KIF23: variants seen among roughly 807,000 people sequenced by gnomAD.
The protein encoded by KIF23 is kinesin family member 23, also known as kinesin-like protein KIF23.
In KIF23, 30 loss-of-function variants were observed where a neutral mutation model predicts 137.5. The observed-to-expected ratio is 0.22, with a 90% CI of 0.16 to 0.30. The LOEUF is 0.30. Among genes scored for constraint, KIF23 ranks in the 10% least tolerant of loss-of-function variants. The pLI is 1.00. For missense variants in KIF23, 920 were observed against 1,194.3 expected (o/e 0.77, Z 3.38); for synonymous variants, 367 against 391.1 (o/e 0.94, Z 0.73).
chr15:69,422,210 G>A (rs934751655), intron 5 of KIF23, 82 bp downstream of exon 5: 29 of 1,506,930 alleles, frequency 1.9e-5, no homozygotes, highest in Non-Finnish European at 2.5e-5. Context: ...AAGAACCAAA[G>A]CACTGGATTC....
In KIF23 at chr15:69,438,268, T is replaced by C; in HGVS notation, c.1618T>C (p.Leu540=). The change falls in exon 16 of 24, where the codon TTA becomes CTA. Residue 540 remains leucine (L), a synonymous_variant. Coordinates refer to ENST00000679126, the MANE Select transcript of KIF23 (RefSeq NM_001367805.3). The stretch of plus-strand genomic sequence containing the variant: ...TTCAGCTAATGCTTTTAAAGCTTTG[T>C]TACAAGAATTTGACAATGCTGTTTT... The part of the protein sequence containing the change: ...NKQSNAFKAL[L]QEFDNAVLSK... The C allele has an allele frequency of 6.2e-7, 1 of 1,606,216 alleles. No individual in the cohort carries two copies. Among genetic ancestry groups the C allele is most frequent in the Non-Finnish European group, 8.5e-7 (1 of 1,178,118 alleles).
Position 69,440,911 on chromosome 15 carries a change from C to A in KIF23, c.2253C>A (p.Asn751Lys). The change falls in exon 19 of 24, where the codon AAC becomes AAA. Residue 751 changes from asparagine to lysine, a missense_variant. By Grantham distance (94) the Asn-to-Lys change is moderately conservative. Coordinates refer to ENST00000679126, the MANE Select transcript of KIF23 (RefSeq NM_001367805.3). Reference sequence around the variant, plus strand: ...GGGAGCAGAAAATTCCTACGTACAACACACCTCTCAAAGTCACATCTATTG... The same window carrying A: ...GGGAGCAGAAAATTCCTACGTACAAAACACCTCTCAAAGTCACATCTATTG... ...SEWEQKIPTY[N>K]TPLKVTSIAR... 1 of 1,614,182 alleles carries A rather than the reference C, an allele frequency of 6.2e-7. No homozygotes were observed. The highest frequency in any genetic ancestry group is 8.5e-7 in the Non-Finnish European group (1 of 1,180,038).
rs550102698 is a variant in KIF23, at chr15:69,420,872, A to G, written c.211-775A>G. On this transcript the variant is annotated intron_variant, in intron 3 of 23. Coordinates refer to ENST00000679126, the MANE Select transcript of KIF23 (RefSeq NM_001367805.3). ...TGGCCTCAAGTGATCCTCCTGCCTC[A>G]GCCTTCCAAAGTGGGATTATAAGTG... Among the ~76,000 whole-genome samples the G allele has an allele frequency of 6.6e-5, 10 of 152,214 alleles. No individual in the cohort carries two copies. The East Asian group carries it at 1.9e-3, about 29-fold the overall frequency.
Position 69,435,741 on chromosome 15 carries a change from C to G in KIF23, c.1284C>G (p.Asn428Lys), listed in dbSNP as rs1051983215. The stretch of plus-strand genomic sequence containing the variant: ...AAGTGCGGATGATCGTGTGTGTGAA[C>G]CCCAAGGCTGAAGATTATGAAGAAA... ...EGKVRMIVCV[N>K]PKAEDYEENL... Residue 428 changes from asparagine (N) to lysine (K), a missense_variant, in exon 13 of 24, where the codon AAC (asparagine) becomes AAG (lysine). By Grantham distance (94) the Asn-to-Lys change is moderately conservative (BLOSUM62 0). Transcript: ENST00000679126. 7.4e-6 allele frequency: 12 copies of G among 1,614,128 alleles called. No homozygotes were observed. Among genetic ancestry groups the G allele is most frequent in the Non-Finnish European group, 1.0e-5 (12 of 1,180,016 alleles).
rs1402485760 is a variant in KIF23 at position 69,417,288 on chromosome 15, A to C, written c.82-95A>C. ...ACAGAGCTCTTAAATTGAGAGACTG[A>C]ATGTTTGTTGAATGAATGAATGAAT... On this transcript the variant is annotated intron_variant, in intron 2 of 23. Transcript: ENST00000679126. 5 of 1,186,792 alleles carry C rather than the reference A, an allele frequency of 4.2e-6. No homozygotes were observed. In the African/African-American group the frequency reaches 7.6e-5, roughly 18 times the overall value. 73.5% of individuals were successfully genotyped at this position (1,186,792 alleles called of 1,614,324 possible).
chr15:69,414,615 G>C, intron 1 of KIF23, 139 bp downstream of exon 1: 1 of 990,976 alleles, frequency 1.0e-6, no homozygotes, highest in Non-Finnish European at 1.4e-6. Context: ...CTGCGGCCGC[G>C]ACCCCAAAGT....
intron 11 of KIF23, chr15:69,434,981 C>T: frequency 3.2e-6 from 2 of 629,460 alleles, no homozygotes; most frequent in East Asian, 2.7e-5. Flanking sequence ...AGGCCGTGGA[C>T]AGCTTCAGAA....
At position 69,447,967 on chromosome 15, in the gene KIF23, C is replaced by T; in HGVS notation, c.*160C>T. 1.9e-6 allele frequency: 1 copy of T among 535,152 alleles called. No homozygotes were observed. The highest frequency in any genetic ancestry group is 4.2e-5 in the South Asian group (1 of 24,002). 33.2% of individuals were successfully genotyped at this position (535,152 alleles called of 1,614,324 possible). A position where few individuals can be genotyped will look rare whatever the true frequency, so the allele number is the denominator to read the frequency against. On this transcript the variant is annotated 3_prime_UTR_variant, in exon 24 of 24. Transcript: ENST00000679126. The stretch of plus-strand genomic sequence containing the variant: ...ACACTGACCCAGAGCAAAGCTTTCC[C>T]TATGGTTCCAAAGACAACTAGTATT...
At chr15:69,431,410 G>A (rs532263628) in intron 11 of KIF23, among the ~76,000 whole-genome samples, 11 of 152,138 alleles carry the variant, frequency 7.2e-5, no homozygotes, top group Non-Finnish European at 1.3e-4. Flanking sequence ...TCAGGGGATC[G>A]AGACCATCCT....
chr15:69,440,743 A>G (rs773195707), intron 18 of KIF23, 25 bp from the exon 19 acceptor site: 3 of 1,565,856 alleles, frequency 1.9e-6, no homozygotes, highest in Non-Finnish European at 2.6e-6. Flanking sequence ...AGTCTTGCTC[A>G]TTAATTTTTC....
At chr15:69,426,278 G>A in intron 9 of KIF23, 58 bp from the exon 10 acceptor site, 4 of 1,606,382 alleles carry the variant, frequency 2.5e-6, no homozygotes, top group South Asian at 1.1e-5. Context: ...TTATTAGAAA[G>A]CATGTATAAT....
At chr15:69,434,265 C>T (rs535703793) in intron 11 of KIF23, among the ~76,000 whole-genome samples, 1 of 152,324 alleles carries the variant, frequency 6.6e-6, no homozygotes, top group African/African-American at 2.4e-5. Context: ...ACCAGAAGTA[C>T]TTTACTTTGG....
At chr15:69,431,641 C>A (rs1215957698) in intron 11 of KIF23, among the ~76,000 whole-genome samples, 1 of 150,888 alleles carries the variant, frequency 6.6e-6, no homozygotes, top group African/African-American at 2.4e-5. Flanking sequence ...ATGATTGAAG[C>A]AATTGGGTGA....
intron 1 of KIF23, 127 bp from the exon 2 acceptor site, chr15:69,415,867 A>G (rs922722206): frequency 2.1e-5 from 13 of 625,606 alleles, no homozygotes; most frequent in Non-Finnish European, 3.5e-5. Context: ...TTTGGGATGC[A>G]GTGTTTTGCA....
chr15:69,425,680 G>A (rs554967725), intron 8 of KIF23, among the ~76,000 whole-genome samples: 49 of 152,170 alleles, frequency 3.2e-4, no homozygotes, highest in African/African-American at 1.1e-3. Flanking sequence ...GTCAGAACTG[G>A]TTCTATCTGC....
intron 7 of KIF23, among the ~76,000 whole-genome samples, chr15:69,424,136 C>T (rs1308730325): frequency 1.3e-5 from 2 of 152,054 alleles, no homozygotes; most frequent in Non-Finnish European, 2.9e-5. Flanking sequence ...GAATACATAC[C>T]AGTATATCCA....
rs1408063054 is a variant in KIF23 at position 69,447,776 on chromosome 15, G to A, written c.2910-16G>A. 1 of 1,600,878 alleles carries A rather than the reference G, an allele frequency of 6.2e-7. No homozygotes were observed. The highest frequency in any genetic ancestry group is 8.5e-7 in the Non-Finnish European group (1 of 1,171,174). On this transcript the variant is annotated splice_polypyrimidine_tract_variant and intron_variant, in intron 23 of 23. Coordinates refer to ENST00000679126, the MANE Select transcript of KIF23 (RefSeq NM_001367805.3). Reference sequence around the variant, plus strand: ...ATTGCAAAGTTCAACTCTAAGTGCTGGTTGTTATGTTTTAGGCGCAAAAAG... The same window carrying A: ...ATTGCAAAGTTCAACTCTAAGTGCTAGTTGTTATGTTTTAGGCGCAAAAAG...
chr15:69,430,571 G>C (rs949774640), intron 11 of KIF23, among the ~76,000 whole-genome samples: 2 of 152,202 alleles, frequency 1.3e-5, no homozygotes, highest in Non-Finnish European at 2.9e-5. Context: ...GGAGTGAGCT[G>C]TATGAAGCAG....
chr15:69,416,183 C>T, intron 2 of KIF23, 120 bp downstream of exon 2: 2 of 592,264 alleles, frequency 3.4e-6, no homozygotes, highest in Non-Finnish European at 5.6e-6. Flanking sequence ...AATCAAAGAA[C>T]ATTTAGTTAA....
Sources: allele counts gnomAD v4.1 joint callset (sites outside exome capture counted in the v4.1 genomes callset), GRCh38; gene constraint gnomAD v4.1.1; transcripts MANE v1.5; gene names NCBI Gene and HGNC (gene_info 2026-07-23, HGNC 2026-07-21).